CNOT6L: variants seen among roughly 807,000 people sequenced by gnomAD.
CNOT6L encodes the protein CCR4-NOT transcription complex subunit 6-like.
In CNOT6L, 7 loss-of-function variants were observed where a neutral mutation model predicts 64.0. The ratio of observed to expected loss-of-function variants is 0.11; its 90% confidence interval spans 0.06 to 0.21. The LOEUF is 0.21. Among genes scored for constraint, CNOT6L ranks in the 10% least tolerant of loss-of-function variants. The pLI is 1.00. For missense variants in CNOT6L, 245 were observed against 669.0 expected (o/e 0.37, Z 6.99); for synonymous variants, 193 against 243.4 (o/e 0.79, Z 1.93).
At chr4:77,731,728 A>G (rs971524712) in intron 8 of CNOT6L, 190 bp from the exon 9 acceptor site, 33 of 475,708 alleles carry the variant, frequency 6.9e-5, no homozygotes, top group Middle Eastern at 5.4e-4. Context: ...CCCACCTAAC[A>G]AAGACAGCAT....
chr4:77,741,067 T>C (rs1393229198), intron 8 of CNOT6L, among the ~76,000 whole-genome samples: 1 of 152,198 alleles, frequency 6.6e-6, no homozygotes, highest in Non-Finnish European at 1.5e-5. Context: ...AAGAGATACG[T>C]AGTTTTAATA....
intron 1 of CNOT6L, among the ~76,000 whole-genome samples, chr4:77,789,902 G>A (rs1729921515): frequency 1.4e-5 from 2 of 138,814 alleles, no homozygotes; most frequent in Non-Finnish European, 3.0e-5. Flanking sequence ...AGTGACCGGT[G>A]ATTGTGCCAC....
At chr4:77,747,749 T>C (rs906427459) in intron 6 of CNOT6L, among the ~76,000 whole-genome samples, 6 of 152,210 alleles carry the variant, frequency 3.9e-5, no homozygotes, top group Non-Finnish European at 7.3e-5. Context: ...GTTCTAGAAA[T>C]GCTAGATTAT....
intron 1 of CNOT6L, among the ~76,000 whole-genome samples, chr4:77,815,604 G>A (rs919132471): frequency 1.3e-5 from 2 of 152,158 alleles, no homozygotes; most frequent in Non-Finnish European, 2.9e-5. Flanking sequence ...TTGTAGCAGA[G>A]ATGGCCAAGC....
At chr4:77,749,308 A>G (rs1724584412) in intron 5 of CNOT6L, among the ~76,000 whole-genome samples, 1 of 152,214 alleles carries the variant, frequency 6.6e-6, no homozygotes, top group South Asian at 2.1e-4. Flanking sequence ...AAAGAAGGTT[A>G]TAAGATGACA....
rs1037335025 is a variant in CNOT6L at position 77,811,874 on chromosome 4, T to A, written c.5+7430A>T. Among the ~76,000 whole-genome samples the A allele has an allele frequency of 2.8e-5, 4 of 140,938 alleles. No homozygotes were observed. In the East Asian group the frequency reaches 6.3e-4, roughly 22 times the overall value. The allele number at this position is 140,938 out of a possible 152,430, so 92.5% of individuals were successfully genotyped here. A position where few individuals can be genotyped will look rare whatever the true frequency, so the allele number is the denominator to read the frequency against. ...TAGCCTTTCTCCGCAAGGAGCAGTT[T>A]AAAAAAAAAAAAAAAAAAAATCACA... On this transcript the variant is annotated intron_variant, in intron 1 of 11. Transcript: ENST00000504123.
intron 5 of CNOT6L, among the ~76,000 whole-genome samples, chr4:77,756,478 T>C (rs759107903): frequency 6.6e-6 from 1 of 152,220 alleles, no homozygotes; most frequent in Non-Finnish European, 1.5e-5. Flanking sequence ...TTGCATCAAA[T>C]GCAAACAACT....
intron 8 of CNOT6L, among the ~76,000 whole-genome samples, chr4:77,733,322 G>C (rs1722637536): frequency 6.6e-6 from 1 of 151,926 alleles, no homozygotes; most frequent in Non-Finnish European, 1.5e-5. Flanking sequence ...AGCTATAAAT[G>C]GTAAATAACT....
chr4:77,737,719 G>A (rs553581142), intron 8 of CNOT6L, among the ~76,000 whole-genome samples: 1 of 152,040 alleles, frequency 6.6e-6, no homozygotes, highest in South Asian at 2.1e-4. Flanking sequence ...CGCCCAGACT[G>A]TACAGCTCTT....
chr4:77,784,223 C>G (rs1729197784), intron 1 of CNOT6L, among the ~76,000 whole-genome samples: 1 of 152,084 alleles, frequency 6.6e-6, no homozygotes. Context: ...ATCTGAGATA[C>G]AAGACAACAG....
At chr4:77,772,302 G>C (rs1334236526) in intron 4 of CNOT6L, among the ~76,000 whole-genome samples, 1 of 151,836 alleles carries the variant, frequency 6.6e-6, no homozygotes, top group Non-Finnish European at 1.5e-5. Context: ...GCGCGATCTC[G>C]GCTCCCCGCA....
In CNOT6L at chr4:77,726,375, A is replaced by C; in HGVS notation, c.1253-6T>G. The C allele has an allele frequency of 6.2e-7, 1 of 1,600,730 alleles. No homozygotes were observed. Among genetic ancestry groups the C allele is most frequent in the Non-Finnish European group, 8.5e-7 (1 of 1,169,834 alleles). On this transcript the variant is annotated splice_region_variant and splice_polypyrimidine_tract_variant and intron_variant, in intron 10 of 11. Coordinates refer to ENST00000504123, the MANE Select transcript of CNOT6L (RefSeq NM_144571.3). The stretch of plus-strand genomic sequence containing the variant: ...GCTTAAGTATTCCACAACACCTGGT[A>C]GAATAAAGAAGAGACACTTCCATTT...
intron 5 of CNOT6L, among the ~76,000 whole-genome samples, chr4:77,755,248 T>G (rs1373442688): frequency 2.2e-5 from 3 of 133,950 alleles, no homozygotes; most frequent in South Asian, 2.6e-4. Context: ...TTTTTTTTTT[T>G]TTTTTTTTTT....
At chr4:77,764,054 A>G (rs1182498462) in intron 4 of CNOT6L, among the ~76,000 whole-genome samples, 2 of 152,218 alleles carry the variant, frequency 1.3e-5, no homozygotes, top group East Asian at 3.8e-4. Context: ...ATAGGTACAC[A>G]TTTATCTCAA....
intron 1 of CNOT6L, among the ~76,000 whole-genome samples, chr4:77,793,905 C>G (rs181708694): frequency 6.6e-6 from 1 of 151,992 alleles, no homozygotes; most frequent in East Asian, 1.9e-4. Context: ...AATCCCAGCA[C>G]TATGGGAAGC....
intron 1 of CNOT6L, among the ~76,000 whole-genome samples, chr4:77,815,004 G>A (rs1037610410): frequency 3.3e-5 from 5 of 152,098 alleles, no homozygotes; most frequent in Non-Finnish European, 7.4e-5. Context: ...GTCTTTCTGG[G>A]TTAAGGCTCA....
rs1455341761 is a variant in CNOT6L, at chr4:77,714,304, T to C, written c.*6127A>G. The C allele has an allele frequency of 6.6e-6, 1 of 152,336 alleles. No individual in the cohort carries two copies. The highest frequency in any genetic ancestry group is 1.5e-5 in the Non-Finnish European group (1 of 67,980). The allele number at this position is 152,336 out of a possible 1,614,324, so 9.4% of individuals were successfully genotyped here. A position where few individuals can be genotyped will look rare whatever the true frequency, so the allele number is the denominator to read the frequency against. On this transcript the variant is annotated 3_prime_UTR_variant, in exon 12 of 12. Transcript: ENST00000504123. ...ACGATAAATTGAGTGGAAAAGTAGA[T>C]TGTCCCATGGACAATTAGTTGGCAC...
intron 3 of CNOT6L, among the ~76,000 whole-genome samples, chr4:77,774,029 A>G (rs1727892445): frequency 6.6e-6 from 1 of 152,204 alleles, no homozygotes; most frequent in Admixed American, 6.5e-5. Flanking sequence ...CATTGGAAAC[A>G]TTTAGATAAG....
intron 7 of CNOT6L, among the ~76,000 whole-genome samples, chr4:77,743,585 A>ATTT (rs1723837615): frequency 3.2e-5 from 4 of 126,062 alleles, no homozygotes; most frequent in African/African-American, 6.3e-5. Flanking sequence ...GTAACACACA[A>ATTT]CTTTTTTTTT....
Sources: allele counts gnomAD v4.1 joint callset (sites outside exome capture counted in the v4.1 genomes callset), GRCh38; gene constraint gnomAD v4.1.1; transcripts MANE v1.5; gene names NCBI Gene and HGNC (gene_info 2026-07-23, HGNC 2026-07-21).